TRPC1: variants seen among roughly 807,000 people sequenced by gnomAD.
The protein encoded by TRPC1 is transient receptor potential cation channel subfamily C member 1.
In TRPC1, 42 loss-of-function variants were observed where a neutral mutation model predicts 88.2. That is an observed-to-expected ratio of 0.48 (90% confidence interval 0.37 to 0.62). The LOEUF is 0.62. TRPC1 is among the 20% of genes least tolerant of loss of function. The probability of loss-of-function intolerance (pLI) is 0.00; values close to 1 mark genes in which losing one functional copy is unlikely to be tolerated. For missense variants in TRPC1, 699 were observed against 957.3 expected (o/e 0.73, Z 3.56); for synonymous variants, 288 against 331.8 (o/e 0.87, Z 1.43).
At chr3:142,788,304 A>C (rs1936192963) in intron 7 of TRPC1, among the ~76,000 whole-genome samples, 1 of 151,746 alleles carries the variant, frequency 6.6e-6, no homozygotes, top group Non-Finnish European at 1.5e-5. Context: ...CCTTGGACTT[A>C]GGGTGATTGT....
intron 4 of TRPC1, among the ~76,000 whole-genome samples, chr3:142,766,767 C>T (rs1421080648): frequency 6.6e-6 from 1 of 152,122 alleles, no homozygotes; most frequent in Non-Finnish European, 1.5e-5. Context: ...GCTCTCCTTG[C>T]TCCTCAGCCT....
chr3:142,801,164 G>A (rs1228785112), intron 9 of TRPC1: 1 of 152,038 alleles, frequency 6.6e-6, no homozygotes, highest in Non-Finnish European at 1.5e-5. Context: ...TTGTATGCTA[G>A]CACATGTAGA....
chr3:142,735,651 C>T (rs28678273), intron 1 of TRPC1, among the ~76,000 whole-genome samples: 4,389 of 152,218 alleles, frequency 0.029, 226 homozygotes, highest in African/African-American at 0.1. Flanking sequence ...TTGTGGGCTA[C>T]AGTCACACAG....
rs534732566 is a variant in TRPC1, at chr3:142,724,351, C to T, written c.-209C>T. 120 of 387,398 alleles carry T rather than the reference C, an allele frequency of 3.1e-4. No individual in the cohort carries two copies. The highest frequency in any genetic ancestry group is 4.9e-4 in the Non-Finnish European group (109 of 224,592). The allele number at this position is 387,398 out of a possible 1,614,324, so 24.0% of individuals were successfully genotyped here. A position where few individuals can be genotyped will look rare whatever the true frequency, so the allele number is the denominator to read the frequency against. ...CGCTGGCCCCGGGGCCGCGCATGCG[C>T]CGCCACCAACTTGGGGCTGTCAGTG... On this transcript the variant is annotated 5_prime_UTR_variant, in exon 1 of 13. Transcript: ENST00000476941. This position sits in a 1 kb window ranked among gnomAD's most constrained non-coding sequence, Gnocchi z 5.6.
intron 4 of TRPC1, among the ~76,000 whole-genome samples, chr3:142,761,398 T>A (rs1250257313): frequency 1.3e-5 from 2 of 152,244 alleles, no homozygotes; most frequent in African/African-American, 4.8e-5. Context: ...GTTGAATCAT[T>A]CTTGCATCTC....
At chr3:142,795,206 C>CG (rs1936415342) in intron 9 of TRPC1, among the ~76,000 whole-genome samples, 1 of 151,962 alleles carries the variant, frequency 6.6e-6, no homozygotes, top group African/African-American at 2.4e-5. Context: ...AAAAGAGTAT[C>CG]TGTGAACTTT....
At chr3:142,746,855 C>CAAA (rs1376393530) in intron 3 of TRPC1, among the ~76,000 whole-genome samples, 1 of 135,172 alleles carries the variant, frequency 7.4e-6, no homozygotes. Context: ...GAGACTCCAC[C>CAAA]AAAAAAAAAA....
At chr3:142,781,500 A>G (rs749740021) in intron 6 of TRPC1, among the ~76,000 whole-genome samples, 27 of 152,222 alleles carry the variant, frequency 1.8e-4, no homozygotes, top group Non-Finnish European at 3.5e-4. Context: ...ATCAGATACT[A>G]TATTTCCTGA....
At chr3:142,778,910 A>T (rs1935870674) in intron 5 of TRPC1, among the ~76,000 whole-genome samples, 1 of 152,220 alleles carries the variant, frequency 6.6e-6, no homozygotes. Context: ...TTTAAACTTG[A>T]TATGACATGA....
intron 6 of TRPC1, among the ~76,000 whole-genome samples, chr3:142,782,658 A>G (rs918927203): frequency 2.0e-5 from 3 of 152,244 alleles, no homozygotes; most frequent in African/African-American, 7.2e-5. Flanking sequence ...CTCCACTCAC[A>G]TGTCTGGTGT....
intron 1 of TRPC1, among the ~76,000 whole-genome samples, chr3:142,731,598 A>G (rs1933916904): frequency 6.6e-6 from 1 of 151,742 alleles, no homozygotes; most frequent in African/African-American, 2.4e-5. Flanking sequence ...GTTAGCCAAG[A>G]TGGTCTCCAT....
chr3:142,802,575 T>C (rs1578014676), intron 10 of TRPC1, among the ~76,000 whole-genome samples: 1 of 152,152 alleles, frequency 6.6e-6, no homozygotes, highest in African/African-American at 2.4e-5. Context: ...CTGCAGTCTA[T>C]CTTAACAGAG....
At position 142,792,921 on chromosome 3, in the gene TRPC1, G is replaced by A. The variant is rs745396101; in HGVS notation, c.1535G>A (p.Arg512His). 8 of 1,609,988 alleles carry A rather than the reference G, an allele frequency of 5.0e-6. No homozygotes were observed. The highest frequency in any genetic ancestry group is 6.8e-6 in the Non-Finnish European group (8 of 1,177,686). ...TTTGCAAATGTTCTAAGTTATCTTCGTCTCTTTTTTATGTATACAACCAGC... is the reference window on the plus strand; with the variant it reads ...TTTGCAAATGTTCTAAGTTATCTTCATCTCTTTTTTATGTATACAACCAGC... ...FAFANVLSYL[R>H]LFFMYTTSSI... The change falls in exon 9 of 13, where the codon CGT becomes CAT. Residue 512 changes from arginine to histidine, a missense_variant. Around this residue, in one of 4 missense-constraint regions of TRPC1, gnomAD observed 426 missense variants for 641.3 expected, o/e 0.66. Transcript: ENST00000476941. The surrounding 1 kb of genome is among the most constrained non-coding windows in gnomAD (Gnocchi z 4.0).
At chr3:142,742,950 T>G (rs1934407413) in intron 2 of TRPC1, among the ~76,000 whole-genome samples, 1 of 152,196 alleles carries the variant, frequency 6.6e-6, no homozygotes, top group African/African-American at 2.4e-5. Flanking sequence ...AAATTGCTCA[T>G]AAATGTCAAA....
At chr3:142,759,022 T>C (rs982211975) in intron 4 of TRPC1, among the ~76,000 whole-genome samples, 1 of 152,178 alleles carries the variant, frequency 6.6e-6, no homozygotes, top group Non-Finnish European at 1.5e-5. Flanking sequence ...TTTTTATGGC[T>C]GCATAGTATT....
At chr3:142,780,763 G>T (rs1034425232) in intron 5 of TRPC1, 71 bp from the exon 6 acceptor site, 337 of 1,419,786 alleles carry the variant, frequency 2.4e-4, no homozygotes, top group Non-Finnish European at 3.0e-4. Context: ...GAGTAAAAAC[G>T]TTTTTAGTGA....
intron 4 of TRPC1, among the ~76,000 whole-genome samples, chr3:142,769,758 T>C (rs769968128): frequency 7.9e-5 from 12 of 152,202 alleles, no homozygotes; most frequent in Non-Finnish European, 1.6e-4. Flanking sequence ...ATTTCTGTCC[T>C]TTTAAATTTA....
chr3:142,797,183 TTTTTTTGGAGGGGAATAAA>T (rs1936480833), intron 9 of TRPC1, among the ~76,000 whole-genome samples: 2 of 152,088 alleles, frequency 1.3e-5, no homozygotes, highest in Non-Finnish European at 2.9e-5. Flanking sequence ...TTGTTTTTTT[TTTTTTTGGAGGGGAATAAA>T]TTATTTGGCA....
chr3:142,792,707 G>A lies in TRPC1; in HGVS notation c.1438-117G>A. On this transcript the variant is annotated intron_variant, in intron 8 of 12. Transcript: ENST00000476941. This position sits in a 1 kb window ranked among gnomAD's most constrained non-coding sequence, Gnocchi z 4.0. ...AAAAACCCTATAAAACATAAGTGGA[G>A]ATCCCCTATAAGAAGACAAAATTAA... 2 of 868,094 alleles carry A rather than the reference G, an allele frequency of 2.3e-6. No individual in the cohort carries two copies. The highest frequency in any genetic ancestry group is 3.2e-6 in the Non-Finnish European group (2 of 621,830). The allele number at this position is 868,094 out of a possible 1,614,324, so 53.8% of individuals were successfully genotyped here. A position where few individuals can be genotyped will look rare whatever the true frequency, so the allele number is the denominator to read the frequency against.
Sources: gnomAD v4.1 joint callset for allele counts (sites outside exome capture counted in the v4.1 genomes callset) on GRCh38, gnomAD v4.1.1 for gene constraint, gnomAD v4.1.1 regional missense constraint, Gnocchi (gnomAD v3.1) non-coding constraint, MANE v1.5 for transcripts, NCBI Gene and HGNC (gene_info 2026-07-23, HGNC 2026-07-21) for gene names.